SPTAN1: variants seen among roughly 807,000 people sequenced by gnomAD.
The protein encoded by SPTAN1 is spectrin alpha chain, non-erythrocytic 1.
A neutral mutation model predicts 331.3 loss-of-function variants in SPTAN1; 61 were observed. That is an observed-to-expected ratio of 0.18 (90% CI 0.15 to 0.23). SPTAN1 has a LOEUF of 0.23. Ranked by LOEUF, SPTAN1 falls within the 10% of genes least tolerant of loss-of-function variation. SPTAN1 has a pLI of 1.00. For synonymous variants in SPTAN1, 1,153 were observed against 1,173.9 expected (o/e 0.98, Z 0.36); for missense variants, 2,043 against 3,147.9 (o/e 0.65, Z 8.40).
intron 22 of SPTAN1, among the ~76,000 whole-genome samples, chr9:128,591,904 T>G (rs1170930033): frequency 6.6e-6 from 1 of 152,240 alleles, no homozygotes; most frequent in East Asian, 1.9e-4. Flanking sequence ...GAGATGCTTT[T>G]TGAAATTGGA....
intron 1 of SPTAN1, among the ~76,000 whole-genome samples, chr9:128,563,028 G>A (rs10117607): frequency 6.3e-4 from 85 of 133,962 alleles, no homozygotes; most frequent in African/African-American, 2.3e-3. Flanking sequence ...ATATATATAT[G>A]TATATATTTT....
intron 44 of SPTAN1, among the ~76,000 whole-genome samples, chr9:128,620,432 TG>T (rs1175295228): frequency 1.3e-5 from 2 of 152,054 alleles, no homozygotes; most frequent in Non-Finnish European, 2.9e-5. Context: ...GGAAAAGACC[TG>T]GGGCCAGGTG....
chr9:128,599,624 T>TCCTCCCACCTCAG (rs1271211688), intron 26 of SPTAN1: 1 of 165,108 alleles, frequency 6.1e-6, no homozygotes, highest in African/African-American at 2.9e-5. Flanking sequence ...CCTCAAGCAA[T>TCCTCCCACCTCAG]CCTCCCACCT....
intron 2 of SPTAN1, among the ~76,000 whole-genome samples, chr9:128,567,537 C>T (rs1006225598): frequency 1.3e-5 from 2 of 152,180 alleles, no homozygotes; most frequent in Non-Finnish European, 2.9e-5. Context: ...GATCCACCCA[C>T]CTTGGCCTCC....
chr9:128,593,945 G>C, intron 23 of SPTAN1: 1 of 555,864 alleles, frequency 1.8e-6, no homozygotes, highest in Admixed American at 2.5e-5. Context: ...GTGCCTGGCT[G>C]TTCTAGCCAC....
intron 39 of SPTAN1, among the ~76,000 whole-genome samples, chr9:128,612,650 G>A (rs1356208559): frequency 1.3e-5 from 2 of 152,226 alleles, no homozygotes; most frequent in Non-Finnish European, 2.9e-5. Flanking sequence ...TTTTGGCCAG[G>A]TGCAGTGGCT....
At chr9:128,588,625 T>A (rs181799534) in intron 20 of SPTAN1, among the ~76,000 whole-genome samples, 184 bp from the exon 21 acceptor site, 3 of 152,280 alleles carry the variant, frequency 2.0e-5, no homozygotes, top group African/African-American at 7.2e-5. Context: ...TGAGATTTTT[T>A]TTTTAAAGAT....
intron 3 of SPTAN1, among the ~76,000 whole-genome samples, chr9:128,569,930 T>G (rs1850456758): frequency 6.6e-6 from 1 of 152,200 alleles, no homozygotes; most frequent in Admixed American, 6.5e-5. Flanking sequence ...AATTATTAAC[T>G]ATTACTAATA....
intron 46 of SPTAN1, chr9:128,624,841 T>A: frequency 1.7e-6 from 1 of 579,546 alleles, no homozygotes; most frequent in Non-Finnish European, 3.1e-6. Context: ...GAAAACTGGG[T>A]CCGGATATCG....
At chr9:128,559,525 C>T (rs1423136661) in intron 1 of SPTAN1, among the ~76,000 whole-genome samples, 1 of 152,118 alleles carries the variant, frequency 6.6e-6, no homozygotes, top group Non-Finnish European at 1.5e-5. Flanking sequence ...TTCAGGAGCT[C>T]GTGTGCAGTG....
intron 40 of SPTAN1, 66 bp from the exon 41 acceptor site, chr9:128,615,566 T>G: frequency 1.3e-6 from 2 of 1,557,936 alleles, no homozygotes; most frequent in Non-Finnish European, 1.8e-6. Flanking sequence ...AATTCCTGAG[T>G]TCTTATGTTC....
intron 13 of SPTAN1, 49 bp from the exon 14 acceptor site, chr9:128,582,645 C>G (rs776955235): frequency 1.9e-6 from 3 of 1,611,090 alleles, no homozygotes; most frequent in Non-Finnish European, 2.5e-6. Flanking sequence ...AACTGGATAT[C>G]CCTTTGGGAG....
chr9:128,553,995 A>G (rs1252894748), intron 1 of SPTAN1, among the ~76,000 whole-genome samples: 3 of 152,202 alleles, frequency 2.0e-5, no homozygotes, highest in Non-Finnish European at 4.4e-5. Context: ...CATTGAGTCA[A>G]GGTTCCGACT....
chr9:128,561,523 C>G (rs1241483422), intron 1 of SPTAN1, among the ~76,000 whole-genome samples: 11 of 150,382 alleles, frequency 7.3e-5, no homozygotes, highest in African/African-American at 2.4e-4. Flanking sequence ...ATTAGCCGGG[C>G]GAGGTGGTGG....
In SPTAN1 at chr9:128,632,335, G is replaced by A; in HGVS notation, c.6959+12G>A. On this transcript the variant is annotated intron_variant, in intron 53 of 56. Transcript: ENST00000372739. ...CAGATCCAGGCCAGGTACCCGGGAG[G>A]GCTGTGGGCCAGGCTCAGCCCAGAG... 1 of 1,613,560 alleles carries A rather than the reference G, an allele frequency of 6.2e-7. No homozygotes were observed. The highest frequency in any genetic ancestry group is 8.5e-7 in the Non-Finnish European group (1 of 1,179,916).
chr9:128,633,301 C>G lies in SPTAN1; in HGVS notation c.7401C>G (p.Tyr2467Ter), dbSNP rs766927132. The change falls in exon 57 of 57, where the codon TAC becomes TAG. Residue 2467 changes from tyrosine (Y) to a stop codon, truncating the protein, a stop_gained. Coordinates refer to ENST00000372739, the MANE Select transcript of SPTAN1 (RefSeq NM_001130438.3). LOFTEE classifies it high-confidence loss of function. The part of the protein sequence containing the change: ...KGRELPTAFD[Y>*]VEFTRSLFVN ...GCGAGCTCCCCACCGCGTTCGACTA[C>G]GTGGAGTTCACCCGCTCGCTTTTCG... The G allele has an allele frequency of 6.2e-7, 1 of 1,613,900 alleles. No individual in the cohort carries two copies. The highest frequency in any genetic ancestry group is 1.3e-5 in the African/African-American group (1 of 74,948).
chr9:128,581,718 T>C lies in SPTAN1; in HGVS notation c.1462-64T>C, dbSNP rs571439823. ...ATATTTTGGCCAAAATACCCTTTGC[T>C]TCACAGTCTTAGAAGATCAAAGGAA... is the stretch of plus-strand genomic sequence containing the variant. On this transcript the variant is annotated intron_variant, in intron 11 of 56. Transcript: ENST00000372739. The C allele has an allele frequency of 1.3e-5, 17 of 1,351,246 alleles. No homozygotes were observed. In the African/African-American group the frequency reaches 1.9e-4, roughly 15 times the overall value. The allele number at this position is 1,351,246 out of a possible 1,614,324, so 83.7% of individuals were successfully genotyped here.
intron 29 of SPTAN1, 101 bp downstream of exon 29, chr9:128,604,518 C>A: frequency 2.6e-6 from 3 of 1,137,764 alleles, no homozygotes; most frequent in Non-Finnish European, 2.6e-6. Context: ...CAACTGCTGG[C>A]TCTTACTGAT....
In SPTAN1 at chr9:128,610,576, C is replaced by A. The variant is rs1856454359; in HGVS notation, c.4773+911C>A. ...TTTTAGTTGTTTTTTTTTTGCCCCC[C>A]AAATAACACTCCCCTGAGACCCTGC... On this transcript the variant is annotated intron_variant, in intron 37 of 56. Transcript: ENST00000372739. 1.3e-5 allele frequency among the ~76,000 whole-genome samples: 2 copies of A among 151,814 alleles called. 1 individual carries two copies. The highest frequency in any genetic ancestry group is 4.1e-4 in the South Asian group (2 of 4,820).
Sources: gnomAD v4.1 joint callset for allele counts (sites outside exome capture counted in the v4.1 genomes callset) on GRCh38, gnomAD v4.1.1 for gene constraint, MANE v1.5 for transcripts, NCBI Gene and HGNC (gene_info 2026-07-23, HGNC 2026-07-21) for gene names.